The following ANGPTL6 variants were observed in gnomAD, a reference collection of about 807,000 sequenced individuals.
ANGPTL6 encodes angiopoietin like 6.
In ANGPTL6, 45 loss-of-function variants were observed where a neutral mutation model predicts 47.4. That is an observed-to-expected ratio of 0.95 (90% CI 0.75 to 1.22). ANGPTL6 has a LOEUF of 1.22. Ranked by LOEUF, ANGPTL6 falls within the 50% of genes most tolerant of loss-of-function variation. The pLI is 0.00. For missense variants in ANGPTL6, 698 were observed against 669.4 expected, an observed-to-expected ratio of 1.04 and a Z score of -0.47; for synonymous variants, 290 against 295.9, an observed-to-expected ratio of 0.98 and a Z score of 0.20.
At chr19:10,096,605 G>C in intron 1 of ANGPTL6, 32 bp from the exon 2 acceptor site, 1 of 1,444,066 alleles carries the variant, frequency 6.9e-7, no homozygotes, top group Non-Finnish European at 9.1e-7. Context: ...AAGGAAGACG[G>C]GGTGCTGGGG....
In ANGPTL6 at chr19:10,102,589, A is replaced by AG; in HGVS notation, c.-33_-32insC. 1.0e-6 allele frequency: 1 copy of AG among 984,550 alleles called. No individual in the cohort carries two copies. The highest frequency in any genetic ancestry group is 1.2e-6 in the Non-Finnish European group (1 of 829,336). The allele number at this position is 984,550 out of a possible 1,614,324, so 61.0% of individuals were successfully genotyped here. On this transcript the variant is annotated 5_prime_UTR_variant, in exon 1 of 6. Coordinates refer to ENST00000253109, the MANE Select transcript of ANGPTL6 (RefSeq NM_031917.3). ...TCACCTCTGATGCCCAAGACCCTGA[A>AG]TCCAGCGAAGCTCACAGAACACACA...
chr19:10,093,646 C>G, intron 4 of ANGPTL6, 27 bp from the exon 5 acceptor site: 2 of 1,613,252 alleles, frequency 1.2e-6, no homozygotes, highest in Non-Finnish European at 1.7e-6. Flanking sequence ...GTCAGGAAGC[C>G]AGAACAGGCT....
At chr19:10,096,777 A>G (rs2088556271) in intron 1 of ANGPTL6, among the ~76,000 whole-genome samples, 3 of 152,310 alleles carry the variant, frequency 2.0e-5, no homozygotes, top group Admixed American at 1.3e-4. Flanking sequence ...CAGGCCGGAT[A>G]ACGCATCTCA....
At chr19:10,104,770 G>A (rs931868427), upstream of ANGPTL6, among the ~76,000 whole-genome samples, 1 of 152,140 alleles carries the variant, frequency 6.6e-6, no homozygotes, top group Non-Finnish European at 1.5e-5. Context: ...GGGAAATGGG[G>A]TGGGCTGAGT....
upstream of ANGPTL6, chr19:10,102,787 C>A (rs888064564): frequency 1.0e-6 from 1 of 983,508 alleles, no homozygotes; most frequent in Non-Finnish European, 1.2e-6. Context: ...TTTAGCATTT[C>A]CCGAATGAGA....
At chr19:10,097,508 T>C (rs906560092) in intron 1 of ANGPTL6, among the ~76,000 whole-genome samples, 9 of 151,780 alleles carry the variant, frequency 5.9e-5, no homozygotes, top group Non-Finnish European at 7.4e-5. Flanking sequence ...AAAATAAATA[T>C]GTACTGTATA....
At chr19:10,092,864 TC>T in intron 5 of ANGPTL6, 85 bp from the exon 6 acceptor site, 1 of 1,135,532 alleles carries the variant, frequency 8.8e-7, no homozygotes, top group Non-Finnish European at 1.2e-6. Flanking sequence ...TTGCCAGGCA[TC>T]CCCTGGCCCC....
intron 3 of ANGPTL6, 144 bp from the exon 4 acceptor site, chr19:10,094,024 A>G: frequency 1.2e-6 from 1 of 826,734 alleles, no homozygotes; most frequent in South Asian, 1.8e-5. Flanking sequence ...TGCCTCTCCC[A>G]TTTCCTCACC....
chr19:10,101,403 A>AGTCCC (rs1323068434), intron 1 of ANGPTL6, among the ~76,000 whole-genome samples: 2 of 151,940 alleles, frequency 1.3e-5, no homozygotes, highest in African/African-American at 4.8e-5. Flanking sequence ...TAAAAATAAA[A>AGTCCC]TAAAGAATAA....
At chr19:10,096,931 C>A (rs77207525) in intron 1 of ANGPTL6, among the ~76,000 whole-genome samples, 178 of 118,628 alleles carry the variant, frequency 1.5e-3, no homozygotes, top group African/African-American at 1.8e-3. Context: ...CCTGTCTCTA[C>A]AAAAAAAAAA....
intron 3 of ANGPTL6, 68 bp from the exon 4 acceptor site, chr19:10,093,948 A>C (rs2088464224): frequency 6.6e-7 from 1 of 1,505,254 alleles, no homozygotes; most frequent in Non-Finnish European, 9.1e-7. Flanking sequence ...GCAAGAGTCA[A>C]GATTCTCACA....
chr19:10,096,389 CGTTGG>C lies in ANGPTL6; in HGVS notation c.170_174del (p.Ala57GlyfsTer154), dbSNP rs1209548079. On this transcript the variant is annotated frameshift_variant, in exon 2 of 6. Coordinates refer to ENST00000253109, the MANE Select transcript of ANGPTL6 (RefSeq NM_031917.3). LOFTEE classifies it high-confidence loss of function. ...ATGCGCAGCGCCGCCAGCTCGCTGG[CGTTGG>C]CGGCCTCGGGCGTCGCCCGCGTGGA... The C allele has an allele frequency of 3.1e-6, 4 of 1,304,134 alleles. No homozygotes were observed. The Admixed American group carries it at 1.7e-4, about 55-fold the overall frequency. The allele number at this position is 1,304,134 out of a possible 1,614,324, so 80.8% of individuals were successfully genotyped here. A position where few individuals can be genotyped will look rare whatever the true frequency, so the allele number is the denominator to read the frequency against.
At chr19:10,104,494 T>C (rs575506121), upstream of ANGPTL6, among the ~76,000 whole-genome samples, 3 of 152,238 alleles carry the variant, frequency 2.0e-5, no homozygotes, top group East Asian at 1.9e-4. Flanking sequence ...CAGCTTGTCA[T>C]TGGAGAGAAT....
chr19:10,097,855 A>AT (rs1568472665), intron 1 of ANGPTL6, among the ~76,000 whole-genome samples: 2 of 151,536 alleles, frequency 1.3e-5, no homozygotes, highest in Non-Finnish European at 2.9e-5. Context: ...TCCATCTCAA[A>AT]AAAATAAAAT....
At chr19:10,095,740 G>A (rs968122790) in intron 2 of ANGPTL6, among the ~76,000 whole-genome samples, 6 of 152,080 alleles carry the variant, frequency 3.9e-5, no homozygotes, top group African/African-American at 1.2e-4. Flanking sequence ...AGGGGTTTTT[G>A]GTCTTTACGT....
intron 1 of ANGPTL6, among the ~76,000 whole-genome samples, chr19:10,101,089 G>T (rs1243580141): frequency 6.6e-6 from 1 of 152,034 alleles, no homozygotes; most frequent in Non-Finnish European, 1.5e-5. Context: ...CGCGCCTGTA[G>T]TCTCAGCTAC....
chr19:10,097,393 A>G (rs924110288), intron 1 of ANGPTL6, among the ~76,000 whole-genome samples: 6 of 152,100 alleles, frequency 3.9e-5, no homozygotes, highest in Non-Finnish European at 8.8e-5. Context: ...AAAGAAAAAA[A>G]AAAAAAAGCA....
intron 1 of ANGPTL6, among the ~76,000 whole-genome samples, chr19:10,100,110 G>A (rs573980815): frequency 7.0e-4 from 106 of 151,372 alleles, no homozygotes; most frequent in African/African-American, 2.4e-3. Context: ...TTAGCTGGGC[G>A]TGGTGGCGCA....
intron 1 of ANGPTL6, 164 bp downstream of exon 1, chr19:10,102,404 A>C: frequency 5.9e-6 from 1 of 170,772 alleles, no homozygotes; most frequent in Non-Finnish European, 1.2e-5. Flanking sequence ...CCCCCACAAC[A>C]GAGATTGAGC....
Sources: gnomAD v4.1 joint callset for allele counts (sites outside exome capture counted in the v4.1 genomes callset) on GRCh38, gnomAD v4.1.1 for gene constraint, MANE v1.5 for transcripts, NCBI Gene and HGNC (gene_info 2026-07-23, HGNC 2026-07-21) for gene names.